Variants in GGTA1 observed in about 807,000 individuals in gnomAD.
GGTA1 encodes inactive N-acetyllactosaminide alpha-1,3-galactosyltransferase.
In GGTA1, 5 loss-of-function variants were observed where a neutral mutation model predicts 2.6. That is an observed-to-expected ratio of 1.92 (90% confidence interval 1.00 to 4.04). The LOEUF is 4.04. Among genes scored for constraint, GGTA1 ranks in the 30% most tolerant of loss-of-function variants. The pLI is 0.00. For missense variants in GGTA1, 50 were observed against 16.7 expected (o/e 2.99, Z -3.47); for synonymous variants, 17 against 5.0 (o/e 3.38, Z -3.19).
chr9:121,478,358 G>A (rs181907029), intron 1 of GGTA1, among the ~76,000 whole-genome samples: 80 of 152,292 alleles, frequency 5.3e-4, no homozygotes, highest in Admixed American at 2.0e-3. Flanking sequence ...TGGTCAGTGC[G>A]GTGGCCTTAG....
chr9:121,471,689 C>A (rs1038889705), intron 1 of GGTA1, among the ~76,000 whole-genome samples: 1 of 152,188 alleles, frequency 6.6e-6, no homozygotes, highest in African/African-American at 2.4e-5. Flanking sequence ...ATTCCACAGA[C>A]CCTGAGATGA....
intron 1 of GGTA1, among the ~76,000 whole-genome samples, chr9:121,497,636 A>G (rs191219919): frequency 6.6e-6 from 1 of 152,166 alleles, no homozygotes; most frequent in East Asian, 1.9e-4. Context: ...GGGGACAGAG[A>G]CTGAGTCCGT....
chr9:121,450,233 G>T (rs1270002556), downstream of GGTA1, among the ~76,000 whole-genome samples: 1 of 152,020 alleles, frequency 6.6e-6, no homozygotes, highest in African/African-American at 2.4e-5. Context: ...GGACTTCAGT[G>T]TGGCTCTGTG....
intron 1 of GGTA1, among the ~76,000 whole-genome samples, chr9:121,481,680 C>CA (rs34813039): frequency 7.6e-4 from 49 of 64,204 alleles, no homozygotes; most frequent in East Asian, 2.9e-3. Context: ...GACTCTGTCT[C>CA]AAAAAAAAAA....
At chr9:121,473,147 C>T (rs561795534) in intron 1 of GGTA1, among the ~76,000 whole-genome samples, 83 of 152,012 alleles carry the variant, frequency 5.5e-4, no homozygotes, top group African/African-American at 1.9e-3. Context: ...TGGCAAAACC[C>T]CTTCTCTACT....
At chr9:121,490,904 C>T (rs887206587) in intron 1 of GGTA1, among the ~76,000 whole-genome samples, 2 of 152,184 alleles carry the variant, frequency 1.3e-5, no homozygotes, top group Non-Finnish European at 2.9e-5. Context: ...GTAGCTGCCC[C>T]AAACATTTTC....
chr9:121,456,508 C>G (rs1377320938), intron 5 of GGTA1, among the ~76,000 whole-genome samples: 2 of 152,022 alleles, frequency 1.3e-5, no homozygotes, highest in Admixed American at 6.5e-5. Context: ...ACCTCTGCCT[C>G]CTGGGTTCAA....
At chr9:121,468,118 C>T (rs1828296069) in intron 1 of GGTA1, among the ~76,000 whole-genome samples, 187 bp from the exon 2 acceptor site, 8 of 152,140 alleles carry the variant, frequency 5.3e-5, no homozygotes, top group Admixed American at 5.2e-4. Context: ...GTGGTGCACC[C>T]AGCAACCCAT....
intron 1 of GGTA1, among the ~76,000 whole-genome samples, chr9:121,491,107 A>T (rs1447523702): frequency 6.8e-6 from 1 of 147,622 alleles, no homozygotes; most frequent in Non-Finnish European, 1.5e-5. Context: ...AAGCAGCCAG[A>T]GATTTAGGCA....
At chr9:121,459,564 G>C (rs2064942729) in intron 5 of GGTA1, among the ~76,000 whole-genome samples, 1 of 152,160 alleles carries the variant, frequency 6.6e-6, no homozygotes, top group Non-Finnish European at 1.5e-5. Flanking sequence ...CTGTGACTCT[G>C]TCCAGATGTC....
chr9:121,487,557 AGAGT>A (rs1357187745), intron 1 of GGTA1, among the ~76,000 whole-genome samples: 2 of 133,940 alleles, frequency 1.5e-5, no homozygotes, highest in African/African-American at 5.7e-5. Flanking sequence ...GCCTGGCGAC[AGAGT>A]GAGACTCTGT....
intron 2 of GGTA1, among the ~76,000 whole-genome samples, chr9:121,465,130 C>T (rs903527710): frequency 6.6e-6 from 1 of 152,242 alleles, no homozygotes; most frequent in Non-Finnish European, 1.5e-5. Flanking sequence ...TGAAGAGCAG[C>T]CAGAACCTGC....
At chr9:121,452,851 G>C (rs189718088), downstream of GGTA1, among the ~76,000 whole-genome samples, 21 of 152,212 alleles carry the variant, frequency 1.4e-4, no homozygotes, top group Non-Finnish European at 2.9e-4. Context: ...CCCTTATGAG[G>C]CTCTTATCTC....
At chr9:121,484,236 T>C (rs1828710598) in intron 1 of GGTA1, among the ~76,000 whole-genome samples, 3 of 152,230 alleles carry the variant, frequency 2.0e-5, no homozygotes, top group Admixed American at 1.3e-4. Flanking sequence ...TTTCATGTTA[T>C]GTATATTTTA....
chr9:121,451,239 C>G (rs553212805), downstream of GGTA1, among the ~76,000 whole-genome samples: 1 of 151,958 alleles, frequency 6.6e-6, no homozygotes, highest in African/African-American at 2.4e-5. Context: ...GCTCTGTCAC[C>G]CAGGGGCGTG....
At chr9:121,487,432 C>T (rs1025242304) in intron 1 of GGTA1, among the ~76,000 whole-genome samples, 32 of 151,634 alleles carry the variant, frequency 2.1e-4, no homozygotes, top group Admixed American at 1.4e-3. Context: ...AAAAATTAGC[C>T]GGGCTTGGTG....
chr9:121,482,285 C>G lies in GGTA1; in HGVS notation c.-9-14354G>C, dbSNP rs115560700. Among the ~76,000 whole-genome samples the G allele has an allele frequency of 8.2e-3, 1,244 of 151,754 alleles. 18 individuals carry two copies. The highest frequency in any genetic ancestry group is 0.029 in the African/African-American group (1,185 of 41,364). ...GAGATGGAGACCAGTCTAGGCAATACAGTGACAGCCCATCTCCACAAAAAA... is the reference window on the plus strand; with the variant it reads ...GAGATGGAGACCAGTCTAGGCAATAGAGTGACAGCCCATCTCCACAAAAAA... On this transcript the variant is annotated intron_variant, in intron 1 of 5. Transcript: ENST00000481799.
intron 2 of GGTA1, among the ~76,000 whole-genome samples, chr9:121,465,194 G>A (rs987633822): frequency 4.6e-5 from 7 of 152,294 alleles, no homozygotes; most frequent in Non-Finnish European, 5.9e-5. Flanking sequence ...ATACATGCAC[G>A]TTTCAGCCTT....
chr9:121,459,738 C>G (rs2064944284), intron 5 of GGTA1, among the ~76,000 whole-genome samples: 1 of 152,150 alleles, frequency 6.6e-6, no homozygotes, highest in African/African-American at 2.4e-5. Context: ...CTCCTCACTC[C>G]CAGAACCACA....
Sources: allele counts gnomAD v4.1 joint callset (sites outside exome capture counted in the v4.1 genomes callset), GRCh38; gene constraint gnomAD v4.1.1; transcripts MANE v1.5; gene names NCBI Gene and HGNC (gene_info 2026-07-23, HGNC 2026-07-21).